The following CEMIP variants were observed in gnomAD, a reference collection of about 807,000 sequenced individuals.
CEMIP encodes the protein cell migration inducing hyaluronidase 1.
CEMIP carries 105 observed loss-of-function variants against 156.9 expected under a neutral mutation model. That is an observed-to-expected ratio of 0.67 (90% CI 0.57 to 0.79). The LOEUF (loss-of-function observed/expected upper bound fraction) is 0.79. Among genes scored for constraint, CEMIP ranks in the 30% least tolerant of loss-of-function variants. The pLI is 0.00. For synonymous variants in CEMIP, 676 were observed against 668.4 expected (o/e 1.01, Z -0.17); for missense variants, 1,457 against 1,769.4 (o/e 0.82, Z 3.17).
At chr15:80,892,511 C>T (rs1899064561) in intron 10 of CEMIP, among the ~76,000 whole-genome samples, 1 of 152,182 alleles carries the variant, frequency 6.6e-6, no homozygotes, top group Non-Finnish European at 1.5e-5. Context: ...TTGGGGACAT[C>T]AGGCAGTCTG....
At chr15:80,911,089 G>A (rs889539305) in intron 14 of CEMIP, among the ~76,000 whole-genome samples, 1 of 152,186 alleles carries the variant, frequency 6.6e-6, no homozygotes, top group African/African-American at 2.4e-5. Flanking sequence ...TCTGTAAAAC[G>A]GAGAGGATGG....
Position 80,929,019 on chromosome 15 carries a change from T to TCCACCCATACG in CEMIP, c.2457_2458insCCACCCATACG (p.Gly820ProfsTer18). On this transcript the variant is annotated frameshift_variant and splice_region_variant, in exon 21 of 30. Transcript: ENST00000394685. LOFTEE classifies it high-confidence loss of function. Reference sequence around the variant, plus strand: ...CACCTTAAACATCTTCTCTCTACAGTGGTGGAACCTTCCCGTATGACGACG... The same window carrying TCCACCCATACG: ...CACCTTAAACATCTTCTCTCTACAGTCCACCCATACGGGTGGAACCTTCCCGTATGACGACG... The TCCACCCATACG allele has an allele frequency of 6.2e-7, 1 of 1,614,204 alleles. No homozygotes were observed. Among genetic ancestry groups the TCCACCCATACG allele is most frequent in the South Asian group, 1.1e-5 (1 of 91,086 alleles).
intron 1 of CEMIP, among the ~76,000 whole-genome samples, chr15:80,849,079 C>A (rs547707106): frequency 6.8e-6 from 1 of 147,170 alleles, no homozygotes; most frequent in South Asian, 2.1e-4. Flanking sequence ...GCAACCTCTG[C>A]TTCCCAGGTT....
rs1296370265 is a variant in CEMIP, at chr15:80,895,864, T to C, written c.1220-5T>C. 1.2e-6 allele frequency: 2 copies of C among 1,613,980 alleles called. No homozygotes were observed. Among genetic ancestry groups the C allele is most frequent in the Non-Finnish European group, 1.7e-6 (2 of 1,179,972 alleles). Reference sequence around the variant, plus strand: ...TATCTCAGTCTTTCCTGTTTTGGGTTACAGTGAGGCCCAAACTCACAGTCA... The same window carrying C: ...TATCTCAGTCTTTCCTGTTTTGGGTCACAGTGAGGCCCAAACTCACAGTCA... On this transcript the variant is annotated splice_polypyrimidine_tract_variant and splice_region_variant and intron_variant, in intron 11 of 29. Transcript: ENST00000394685.
chr15:80,817,413 G>A (rs937694608), intron 1 of CEMIP, among the ~76,000 whole-genome samples: 2 of 151,786 alleles, frequency 1.3e-5, no homozygotes, highest in African/African-American at 4.8e-5. Flanking sequence ...TGAGCAACAC[G>A]GCAAAACCCC....
intron 1 of CEMIP, among the ~76,000 whole-genome samples, chr15:80,867,362 A>T (rs1898158126): frequency 6.6e-6 from 1 of 152,216 alleles, no homozygotes; most frequent in Non-Finnish European, 1.5e-5. Flanking sequence ...TTAGAAGCAC[A>T]GTTTCTGGAA....
chr15:80,804,928 A>G (rs537186421), intron 1 of CEMIP, among the ~76,000 whole-genome samples: 1 of 152,304 alleles, frequency 6.6e-6, no homozygotes, highest in African/African-American at 2.4e-5. Flanking sequence ...CTCATGTAGA[A>G]GGTAGCCGGG....
At chr15:80,821,640 G>A (rs1014442190) in intron 1 of CEMIP, among the ~76,000 whole-genome samples, 2 of 152,330 alleles carry the variant, frequency 1.3e-5, no homozygotes, top group South Asian at 2.1e-4. Context: ...GGTGTGAGAG[G>A]GGACAGTGTG....
intron 29 of CEMIP, 187 bp from the exon 30 acceptor site, chr15:80,948,610 C>A: frequency 1.3e-6 from 1 of 763,308 alleles, no homozygotes; most frequent in Admixed American, 2.0e-5. Context: ...CCCTGCCTGC[C>A]CCATACAAAC....
At chr15:80,947,142 C>T in intron 29 of CEMIP, 77 bp downstream of exon 29, 1 of 922,816 alleles carries the variant, frequency 1.1e-6, no homozygotes, top group Non-Finnish European at 1.8e-6. Flanking sequence ...GTGCTGTCAT[C>T]TTTTGCTGAG....
chr15:80,832,320 C>CTGTGTGTGTGTGTGTG, intron 1 of CEMIP, among the ~76,000 whole-genome samples: 1 of 18,122 alleles, frequency 5.5e-5, no homozygotes. Context: ...TTAAAATAAA[C>CTGTGTGTGTGTGTGTG]TCTGTGTGTG....
At chr15:80,893,312 A>T (rs546646098) in intron 10 of CEMIP, among the ~76,000 whole-genome samples, 5 of 152,314 alleles carry the variant, frequency 3.3e-5, no homozygotes, top group Admixed American at 2.6e-4. Context: ...AAGTCTACTT[A>T]AAGATCTCTT....
rs1176279946 is a variant in CEMIP, at chr15:80,924,069, C to G, written c.2203-552C>G. 2.0e-5 allele frequency among the ~76,000 whole-genome samples: 3 copies of G among 152,330 alleles called. No homozygotes were observed. In the East Asian group the frequency reaches 5.8e-4, roughly 29 times the overall value. On this transcript the variant is annotated intron_variant, in intron 17 of 29. Coordinates refer to ENST00000394685, the MANE Select transcript of CEMIP (RefSeq NM_001293298.2). Reference sequence around the variant, plus strand: ...ATGGTGGCCTCCCTGGGCAGCATCACTCAGCTGCCTTGATTTCTCCCTATC... The same window carrying G: ...ATGGTGGCCTCCCTGGGCAGCATCAGTCAGCTGCCTTGATTTCTCCCTATC...
chr15:80,846,753 A>C (rs1040440705), intron 1 of CEMIP, among the ~76,000 whole-genome samples: 1 of 152,224 alleles, frequency 6.6e-6, no homozygotes, highest in Non-Finnish European at 1.5e-5. Flanking sequence ...AAGGTGGCTG[A>C]AATGAAAAGG....
chr15:80,925,712 G>C lies in CEMIP; in HGVS notation c.2377G>C (p.Gly793Arg). The stretch of plus-strand genomic sequence containing the variant: ...CATTGCCTACAAGAACCAGGACCAC[G>C]GGGCCTGGCTGCGCGGCGGGGATGT... ...HFIAYKNQDH[G>R]AWLRGGDVWL... The change falls in exon 19 of 30, where the codon GGG becomes CGG. Residue 793 changes from glycine to arginine, a missense_variant. Physicochemically the swap from Gly to Arg is moderately radical, Grantham distance 125. This residue lies in a region of CEMIP where 798 missense variants were observed against 980.1 expected (regional missense o/e 0.81). Transcript: ENST00000394685. 1 of 1,613,706 alleles carries C rather than the reference G, an allele frequency of 6.2e-7. No homozygotes were observed. Among genetic ancestry groups the C allele is most frequent in the Non-Finnish European group, 8.5e-7 (1 of 1,180,002 alleles).
At chr15:80,899,967 G>A (rs924437155) in intron 12 of CEMIP, among the ~76,000 whole-genome samples, 41 of 152,156 alleles carry the variant, frequency 2.7e-4, no homozygotes, top group African/African-American at 9.9e-4. Flanking sequence ...CCATGGGCCT[G>A]GGGTAGCATT....
At chr15:80,853,417 G>A (rs367977008) in intron 1 of CEMIP, among the ~76,000 whole-genome samples, 13 of 152,270 alleles carry the variant, frequency 8.5e-5, no homozygotes, top group African/African-American at 2.6e-4. Context: ...AGTCTGTTTC[G>A]TCTGGGAGTC....
intron 3 of CEMIP, among the ~76,000 whole-genome samples, chr15:80,876,397 A>G (rs940520231): frequency 7.9e-5 from 12 of 152,188 alleles, no homozygotes; most frequent in African/African-American, 2.9e-4. Flanking sequence ...GTTAAAATGG[A>G]AAGTCCACTG....
At chr15:80,946,745 T>C in intron 28 of CEMIP, 4 of 569,916 alleles carry the variant, frequency 7.0e-6, no homozygotes, top group Non-Finnish European at 9.6e-6. Flanking sequence ...GGGCACCAAC[T>C]GTGGCCAGAT....
Sources: allele counts gnomAD v4.1 joint callset (sites outside exome capture counted in the v4.1 genomes callset), GRCh38; gene constraint gnomAD v4.1.1; regional missense constraint gnomAD v4.1.1; transcripts MANE v1.5; gene names NCBI Gene and HGNC (gene_info 2026-07-23, HGNC 2026-07-21).